RNF130: variants seen among roughly 807,000 people sequenced by gnomAD.
The protein encoded by RNF130 is E3 ubiquitin-protein ligase RNF130.
A neutral mutation model predicts 44.6 loss-of-function variants in RNF130; 21 were observed. The ratio of observed to expected loss-of-function variants is 0.47; its 90% CI spans 0.33 to 0.68. The LOEUF (loss-of-function observed/expected upper bound fraction) is 0.68, where lower values mean the gene tolerates loss of function less well. Ranked by LOEUF, RNF130 falls within the 30% of genes least tolerant of loss-of-function variation. RNF130 has a pLI of 0.02. For synonymous variants in RNF130, 214 were observed against 210.4 expected (o/e 1.02, Z -0.15); for missense variants, 479 against 560.6 (o/e 0.85, Z 1.47).
At chr5:180,036,292 T>C (rs1430152612) in intron 2 of RNF130, among the ~76,000 whole-genome samples, 1 of 152,194 alleles carries the variant, frequency 6.6e-6, no homozygotes, top group Non-Finnish European at 1.5e-5. Context: ...TTGTTCTATG[T>C]TCTTTTTCCT....
intron 7 of RNF130, among the ~76,000 whole-genome samples, chr5:179,934,989 C>T (rs992921537): frequency 6.6e-6 from 1 of 152,178 alleles, no homozygotes; most frequent in African/African-American, 2.4e-5. Flanking sequence ...TTTAAGGTCG[C>T]AGATTTCCCT....
At chr5:180,000,893 G>C (rs914158276) in intron 3 of RNF130, among the ~76,000 whole-genome samples, 3 of 152,154 alleles carry the variant, frequency 2.0e-5, no homozygotes, top group Non-Finnish European at 4.4e-5. Flanking sequence ...CCATTGGAGT[G>C]TGTTACTAGG....
chr5:179,982,091 C>T (rs1351168366), intron 3 of RNF130, among the ~76,000 whole-genome samples: 2 of 152,012 alleles, frequency 1.3e-5, no homozygotes, highest in Non-Finnish European at 2.9e-5. Flanking sequence ...CCATGATCTA[C>T]TTTTTGCTGT....
At chr5:180,038,339 C>A (rs1764298948) in intron 2 of RNF130, among the ~76,000 whole-genome samples, 1 of 151,154 alleles carries the variant, frequency 6.6e-6, no homozygotes, top group Non-Finnish European at 1.5e-5. Flanking sequence ...CATGATCGTA[C>A]CACCACACTG....
At position 180,040,526 on chromosome 5, in the gene RNF130, A is replaced by G. The variant is rs2113139799; in HGVS notation, c.369T>C (p.Ala123=). 6.2e-7 allele frequency: 1 copy of G among 1,614,214 alleles called. No homozygotes were observed. The change falls in exon 2 of 9, where the codon GCT becomes GCC. Residue 123 remains alanine, a synonymous_variant. Coordinates refer to ENST00000521389, the MANE Select transcript of RNF130 (RefSeq NM_018434.6). ...TGACTACAGCAACTGCATTGTGGAA[A>G]GCGGCCCGTGATATTTTCTCTTTAA... ...CTFKEKISRA[A]FHNAVAVVIY...
chr5:179,954,769 C>T (rs1410435404), downstream of RNF130, among the ~76,000 whole-genome samples: 1 of 152,230 alleles, frequency 6.6e-6, no homozygotes, highest in Non-Finnish European at 1.5e-5. Flanking sequence ...AGCATGACTA[C>T]TGGAGTGAAC....
chr5:179,930,219 G>A (rs1020977081), intron 7 of RNF130, among the ~76,000 whole-genome samples: 11 of 151,836 alleles, frequency 7.2e-5, no homozygotes, highest in Admixed American at 1.3e-4. Flanking sequence ...CACCACACCC[G>A]GCTAATTTTT....
intron 2 of RNF130, among the ~76,000 whole-genome samples, chr5:180,037,590 T>C (rs1764278573): frequency 6.6e-6 from 1 of 152,180 alleles, no homozygotes; most frequent in African/African-American, 2.4e-5. Context: ...ACCTAGAAAC[T>C]TGTTAATAAT....
At chr5:180,022,135 T>C (rs994436214) in intron 2 of RNF130, among the ~76,000 whole-genome samples, 1 of 152,208 alleles carries the variant, frequency 6.6e-6, no homozygotes, top group African/African-American at 2.4e-5. Flanking sequence ...AGCTTTTTTT[T>C]ATTTGCCATT....
chr5:179,925,947 AG>A (rs1361583469), intron 7 of RNF130, among the ~76,000 whole-genome samples: 1 of 152,168 alleles, frequency 6.6e-6, no homozygotes, highest in Admixed American at 6.5e-5. Context: ...ATTTTCCAAC[AG>A]GGGGATGCAT....
intron 2 of RNF130, among the ~76,000 whole-genome samples, chr5:180,022,027 G>A (rs753537709): frequency 1.3e-4 from 20 of 152,224 alleles, no homozygotes; most frequent in Non-Finnish European, 2.8e-4. Context: ...TCTGTCGAAG[G>A]TATTTCCCTG....
At chr5:180,002,538 T>C (rs1763367064) in intron 3 of RNF130, among the ~76,000 whole-genome samples, 1 of 152,128 alleles carries the variant, frequency 6.6e-6, no homozygotes. Context: ...GTGGGGTGCA[T>C]AGCCGGGTGG....
chr5:180,010,211 C>G (rs577326094), intron 3 of RNF130, among the ~76,000 whole-genome samples: 10 of 123,928 alleles, frequency 8.1e-5, no homozygotes, highest in Non-Finnish European at 1.3e-4. Context: ...CCAGCCGCTG[C>G]ACTCCAGCCT....
chr5:180,028,435 G>C (rs1764043145), intron 2 of RNF130, among the ~76,000 whole-genome samples: 4 of 152,114 alleles, frequency 2.6e-5, no homozygotes, highest in Admixed American at 2.6e-4. Context: ...CCTCTCACCA[G>C]ATTTTTGATT....
intron 1 of RNF130, among the ~76,000 whole-genome samples, chr5:180,041,867 A>G (rs1418642479): frequency 6.6e-6 from 1 of 152,206 alleles, no homozygotes; most frequent in Non-Finnish European, 1.5e-5. Context: ...GCTTGAGCCC[A>G]GGAGTTTGAG....
At chr5:180,052,553 T>C (rs1764710919) in intron 1 of RNF130, among the ~76,000 whole-genome samples, 1 of 152,222 alleles carries the variant, frequency 6.6e-6, no homozygotes, top group Admixed American at 6.5e-5. Context: ...ACTTCTTTCT[T>C]CTAGTATGAG....
intron 7 of RNF130, among the ~76,000 whole-genome samples, chr5:179,965,974 A>C (rs1337888518): frequency 6.6e-6 from 1 of 152,224 alleles, no homozygotes; most frequent in African/African-American, 2.4e-5. Context: ...CTAGGCAAGC[A>C]GCAGCAGGTG....
chr5:180,010,181 A>G lies in RNF130; in HGVS notation c.693+2880T>C, dbSNP rs555563037. ...AGAATGGCGTGAACCTGGGAGGCGG[A>G]GCTTGCAGTAAGCTGAGATCCAGCC... On this transcript the variant is annotated intron_variant, in intron 3 of 8. Coordinates refer to ENST00000521389, the MANE Select transcript of RNF130 (RefSeq NM_018434.6). 9.2e-5 allele frequency among the ~76,000 whole-genome samples: 12 copies of G among 131,140 alleles called. 1 individual carries two copies. The East Asian group carries it at 2.4e-3, about 26-fold the overall frequency. The allele number at this position is 131,140 out of a possible 152,430, so 86.0% of individuals were successfully genotyped here.
At chr5:179,926,224 A>C (rs1337893564) in intron 7 of RNF130, among the ~76,000 whole-genome samples, 2 of 152,164 alleles carry the variant, frequency 1.3e-5, no homozygotes, top group African/African-American at 4.8e-5. Context: ...GGTCAGCTTT[A>C]TTTATAGGCC....
Sources: gnomAD v4.1 joint callset for allele counts (sites outside exome capture counted in the v4.1 genomes callset) on GRCh38, gnomAD v4.1.1 for gene constraint, MANE v1.5 for transcripts, NCBI Gene and HGNC (gene_info 2026-07-23, HGNC 2026-07-21) for gene names.